The following PPP1R17 variants were observed in gnomAD, a reference collection of about 807,000 sequenced individuals.
The protein encoded by PPP1R17 is protein phosphatase 1 regulatory subunit 17.
Under a neutral mutation model 15.9 loss-of-function variants are expected in PPP1R17, and 12 were observed. The observed-to-expected ratio is 0.75, with a 90% confidence interval of 0.48 to 1.22. PPP1R17 has a LOEUF of 1.22. Ranked by LOEUF, PPP1R17 falls within the 50% of genes most tolerant of loss-of-function variation. PPP1R17 has a pLI of 0.00. For missense variants in PPP1R17, 211 were observed against 187.3 expected (o/e 1.13, Z -0.74); for synonymous variants, 63 against 64.5 (o/e 0.98, Z 0.11).
intron 4 of PPP1R17, among the ~76,000 whole-genome samples, chr7:31,701,769 G>A (rs1333179208): frequency 1.3e-5 from 2 of 152,220 alleles, no homozygotes; most frequent in Non-Finnish European, 2.9e-5. Context: ...GCCTCTCTAA[G>A]ACTCAGTGAA....
chr7:31,696,816 G>T, intron 3 of PPP1R17, 149 bp from the exon 4 acceptor site: 1 of 846,526 alleles, frequency 1.2e-6, no homozygotes, highest in Non-Finnish European at 1.8e-6. Flanking sequence ...AAATACTAAT[G>T]CTTCTTATGA....
At position 31,696,938 on chromosome 7, in the gene PPP1R17, T is replaced by C. The variant is rs777091761; in HGVS notation, c.236-27T>C. The C allele has an allele frequency of 3.1e-6, 5 of 1,610,138 alleles. No individual in the cohort carries two copies. The South Asian group carries it at 5.5e-5, about 18-fold the overall frequency. On this transcript the variant is annotated intron_variant, in intron 3 of 4. Coordinates refer to ENST00000342032, the MANE Select transcript of PPP1R17 (RefSeq NM_006658.5). The stretch of plus-strand genomic sequence containing the variant: ...TAGGATATATGTATTTGATCCTGTT[T>C]CTCTCTGTGTTCCCCTAACCATGCA...
intron 1 of PPP1R17, among the ~76,000 whole-genome samples, chr7:31,687,756 G>C (rs1289668486): frequency 6.6e-6 from 1 of 152,086 alleles, no homozygotes; most frequent in Admixed American, 6.5e-5. Flanking sequence ...CAATCCTCTG[G>C]TTAAAAAGAG....
Position 31,707,223 on chromosome 7 carries a change from CGA to C in PPP1R17, c.413_414del (p.Arg138ThrfsTer8). The stretch of plus-strand genomic sequence containing the variant: ...TTGCAGGTGTGACATTGCTCAGGGA[CGA>C]GAGACCCAAAGCAATCGTGGAAGAT... ...FAAGVTLLRD[E>X]RPKAIVEDDE... On this transcript the variant is annotated frameshift_variant, in exon 5 of 5. Transcript: ENST00000342032. LOFTEE classifies it high-confidence loss of function. 1.2e-6 allele frequency: 2 copies of C among 1,613,576 alleles called. No individual in the cohort carries two copies. Among genetic ancestry groups the C allele is most frequent in the Non-Finnish European group, 1.7e-6 (2 of 1,179,750 alleles).
intron 3 of PPP1R17, 43 bp from the exon 4 acceptor site, chr7:31,696,922 T>A: frequency 6.3e-7 from 1 of 1,597,210 alleles, no homozygotes; most frequent in Non-Finnish European, 8.6e-7. Context: ...TTAGGATATA[T>A]GTATTTGATC....
At chr7:31,697,759 C>T (rs979222171) in intron 4 of PPP1R17, among the ~76,000 whole-genome samples, 2 of 152,116 alleles carry the variant, frequency 1.3e-5, no homozygotes, top group South Asian at 4.1e-4. Flanking sequence ...GGAAAATATG[C>T]TAATGTTTTT....
Position 31,692,552 on chromosome 7 carries a change from G to A in PPP1R17, c.82+29G>A, listed in dbSNP as rs34169. On this transcript the variant is annotated intron_variant, in intron 2 of 4. Coordinates refer to ENST00000342032, the MANE Select transcript of PPP1R17 (RefSeq NM_006658.5). ...AACAAATGATCGATTGTGAATGTCA[G>A]TGGTGGAAGTCAGAGAAGAGGCGTC... The A allele has an allele frequency of 1.1e-3, 1,649 of 1,560,474 alleles. 21 individuals are homozygous for A. The African/African-American group carries it at 0.017, about 16-fold the overall frequency.
At chr7:31,688,273 C>T (rs1488463678) in intron 1 of PPP1R17, among the ~76,000 whole-genome samples, 1 of 152,182 alleles carries the variant, frequency 6.6e-6, no homozygotes, top group Non-Finnish European at 1.5e-5. Context: ...ATAACTGTCC[C>T]AAGTTCACCC....
intron 1 of PPP1R17, among the ~76,000 whole-genome samples, chr7:31,691,086 A>C (rs532371966): frequency 6.6e-6 from 1 of 152,280 alleles, no homozygotes; most frequent in East Asian, 1.9e-4. Flanking sequence ...GGCAATCTCT[A>C]TACAAACACT....
At chr7:31,692,944 A>G (rs1305784206) in intron 2 of PPP1R17, among the ~76,000 whole-genome samples, 1 of 152,222 alleles carries the variant, frequency 6.6e-6, no homozygotes, top group African/African-American at 2.4e-5. Flanking sequence ...ACAGAATTTT[A>G]AATAGCCTTT....
Position 31,695,500 on chromosome 7 carries a change from T to A in PPP1R17, c.114T>A (p.Cys38Ter), listed in dbSNP as rs764662580. Residue 38 changes from cysteine (C) to a stop codon, truncating the protein, a stop_gained, in exon 3 of 5, where the codon TGT becomes TGA. Transcript: ENST00000342032. LOFTEE classifies it high-confidence loss of function. ...DDLSDQFIKD[C>*]DLKKKPRKGK... ...TTTCAGACCAGTTCATTAAGGACTG[T>A]GATCTCAAAAAGAAGCCTAGAAAGG... is the stretch of plus-strand genomic sequence containing the variant. 6.2e-7 allele frequency: 1 copy of A among 1,613,060 alleles called. No homozygotes were observed. Among genetic ancestry groups the A allele is most frequent in the South Asian group, 1.1e-5 (1 of 90,870 alleles).
intron 4 of PPP1R17, among the ~76,000 whole-genome samples, chr7:31,700,983 G>A (rs1792825953): frequency 6.6e-6 from 1 of 152,196 alleles, no homozygotes; most frequent in African/African-American, 2.4e-5. Flanking sequence ...AGGCACACAA[G>A]GAGATTAATG....
At chr7:31,701,526 A>G (rs535886794) in intron 4 of PPP1R17, among the ~76,000 whole-genome samples, 2 of 152,366 alleles carry the variant, frequency 1.3e-5, no homozygotes, top group Admixed American at 6.5e-5. Context: ...ATATTATGTA[A>G]ACTTAGTTTA....
rs12154298 is a variant in PPP1R17, at chr7:31,692,249, G to C, written c.-36-157G>C. 0.078 allele frequency among the ~76,000 whole-genome samples: 11,862 copies of C among 152,180 alleles called. 562 individuals carry two copies. Among genetic ancestry groups the C allele is most frequent in the Non-Finnish European group, 0.11 (7,477 of 68,004 alleles). On this transcript the variant is annotated intron_variant, in intron 1 of 4. Transcript: ENST00000342032. ...TATTTTGGCTTAAATCTCAAGTTTA[G>C]AGTTTCTAATAGCCAAGTTTAAGAA...
intron 2 of PPP1R17, among the ~76,000 whole-genome samples, chr7:31,692,960 C>T (rs1792420202): frequency 6.6e-6 from 1 of 152,134 alleles, no homozygotes; most frequent in Non-Finnish European, 1.5e-5. Flanking sequence ...CCTTTTTCTG[C>T]TTTATTGTCA....
intron 2 of PPP1R17, among the ~76,000 whole-genome samples, chr7:31,694,350 C>G (rs902596936): frequency 6.9e-6 from 1 of 145,224 alleles, no homozygotes; most frequent in Non-Finnish European, 1.5e-5. Context: ...AGATGCTTTG[C>G]AAACATTAAC....
Position 31,706,377 on chromosome 7 carries a change from T to G in PPP1R17, c.389-827T>G, listed in dbSNP as rs147619224. Among the ~76,000 whole-genome samples, 886 of 152,276 alleles carry G rather than the reference T, an allele frequency of 5.8e-3. 3 individuals are homozygous for G. The highest frequency in any genetic ancestry group is 0.011 in the South Asian group (51 of 4,828). ...CAACTCTTTATTTTGCTTTATAAGG[T>G]TGCATTTCAAAAACCTTCTAACATC... On this transcript the variant is annotated intron_variant, in intron 4 of 4. Transcript: ENST00000342032.
intron 1 of PPP1R17, among the ~76,000 whole-genome samples, chr7:31,688,840 A>G (rs1792216518): frequency 6.6e-6 from 1 of 152,164 alleles, no homozygotes; most frequent in Non-Finnish European, 1.5e-5. Context: ...CTGTCAAACA[A>G]CCACAACCAG....
chr7:31,700,227 A>C (rs1261487669), intron 4 of PPP1R17, among the ~76,000 whole-genome samples: 1 of 152,224 alleles, frequency 6.6e-6, no homozygotes, highest in Non-Finnish European at 1.5e-5. Flanking sequence ...AGGAAATTAA[A>C]AGTTCTACTC....
Sources: gnomAD v4.1 joint callset for allele counts (sites outside exome capture counted in the v4.1 genomes callset) on GRCh38, gnomAD v4.1.1 for gene constraint, MANE v1.5 for transcripts, NCBI Gene and HGNC (gene_info 2026-07-23, HGNC 2026-07-21) for gene names.